The following AUTS2 variants were observed in gnomAD, a reference collection of about 807,000 sequenced individuals.
AUTS2 encodes the protein activator of transcription and developmental regulator AUTS2.
Under a neutral mutation model 112.4 loss-of-function variants are expected in AUTS2, and 17 were observed. The ratio of observed to expected loss-of-function variants is 0.15; its 90% CI spans 0.10 to 0.23. The LOEUF is 0.23. AUTS2 is among the 10% of genes least tolerant of loss of function. The pLI, the probability that AUTS2 is intolerant of heterozygous loss-of-function variation, is 1.00. For synonymous variants in AUTS2, 751 were observed against 702.7 expected, an observed-to-expected ratio of 1.07 and a Z score of -1.09; for missense variants, 1,510 against 1,701.6, an observed-to-expected ratio of 0.89 and a Z score of 1.98.
intron 1 of AUTS2, among the ~76,000 whole-genome samples, chr7:69,735,614 C>CT (rs1234334554): frequency 6.6e-6 from 1 of 152,180 alleles, no homozygotes; most frequent in Non-Finnish European, 1.5e-5. Context: ...GATTAAGCCC[C>CT]TTTTCTCCCC....
intron 2 of AUTS2, among the ~76,000 whole-genome samples, chr7:69,964,019 C>T (rs574118615): frequency 3.6e-4 from 55 of 152,274 alleles, no homozygotes; most frequent in Non-Finnish European, 6.0e-4. Context: ...TAGACTCATG[C>T]AAATATTAGA....
At chr7:70,445,798 A>C (rs2189771) in intron 5 of AUTS2, among the ~76,000 whole-genome samples, 4,234 of 152,312 alleles carry the variant, frequency 0.028, 130 homozygotes, top group Admixed American at 0.095. Flanking sequence ...CCCTGAAAGC[A>C]TCCCATGCCT....
At chr7:70,140,654 C>T (rs1806814243) in intron 4 of AUTS2, among the ~76,000 whole-genome samples, 1 of 152,288 alleles carries the variant, frequency 6.6e-6, no homozygotes, top group South Asian at 2.1e-4. Context: ...AGTATTTTAA[C>T]ACTTCCCCCC....
chr7:70,414,405 T>C (rs182303301), intron 4 of AUTS2, among the ~76,000 whole-genome samples: 109 of 152,320 alleles, frequency 7.2e-4, no homozygotes, highest in African/African-American at 2.5e-3. Context: ...GCAGTGGGAC[T>C]GGCAGAATTG....
intron 1 of AUTS2, among the ~76,000 whole-genome samples, chr7:69,618,033 G>C (rs766686987): frequency 6.6e-6 from 1 of 152,324 alleles, no homozygotes; most frequent in Non-Finnish European, 1.5e-5. Flanking sequence ...CAACAACTCT[G>C]TATAATAGGT....
chr7:70,653,506 C>T (rs1032149679), intron 5 of AUTS2, among the ~76,000 whole-genome samples: 4 of 152,202 alleles, frequency 2.6e-5, no homozygotes, highest in Non-Finnish European at 5.9e-5. Flanking sequence ...AGATCCAGTT[C>T]AAATGCTACT....
chr7:70,124,014 G>GT lies in AUTS2; in HGVS notation c.624+5787dup, dbSNP rs1382607109. ...CTCTGCCACCTTGCCAGCATCTGTT[G>GT]TTTTTTGACATTTTAATATTAATAA... is the stretch of plus-strand genomic sequence containing the variant. On this transcript the variant is annotated intron_variant, in intron 3 of 18. Transcript: ENST00000342771. Among the ~76,000 whole-genome samples the GT allele has an allele frequency of 2.6e-5, 4 of 152,112 alleles. No homozygotes were observed. In the South Asian group the frequency reaches 8.3e-4, roughly 32 times the overall value.
chr7:70,300,541 C>T (rs1789166411), intron 4 of AUTS2, among the ~76,000 whole-genome samples: 1 of 151,910 alleles, frequency 6.6e-6, no homozygotes, highest in Admixed American at 6.6e-5. Context: ...ATTTTTTTCC[C>T]CCAAAGAAAC....
chr7:69,915,796 G>T (rs965519652), intron 2 of AUTS2, among the ~76,000 whole-genome samples: 6 of 152,094 alleles, frequency 3.9e-5, no homozygotes, highest in Admixed American at 2.0e-4. Flanking sequence ...GTGTGATCTT[G>T]GCTCACTGTA....
chr7:69,856,233 G>C (rs1003056155), intron 1 of AUTS2, among the ~76,000 whole-genome samples: 5 of 152,088 alleles, frequency 3.3e-5, no homozygotes, highest in African/African-American at 1.2e-4. Context: ...GTTCCACCTA[G>C]CATAGGCCTG....
At chr7:69,656,200 C>G (rs946997688) in intron 1 of AUTS2, among the ~76,000 whole-genome samples, 2 of 152,120 alleles carry the variant, frequency 1.3e-5, no homozygotes, top group African/African-American at 2.4e-5. Flanking sequence ...GTGTGGTGAC[C>G]ACAACAGTGA....
At chr7:70,093,077 A>T (rs1487604356) in intron 2 of AUTS2, among the ~76,000 whole-genome samples, 1 of 152,216 alleles carries the variant, frequency 6.6e-6, no homozygotes, top group African/African-American at 2.4e-5. Context: ...CCCTGGAGAA[A>T]CAGGCATGTC....
intron 6 of AUTS2, among the ~76,000 whole-genome samples, chr7:70,713,622 T>C (rs145840261): frequency 0.035 from 5,299 of 152,180 alleles, 144 homozygotes; most frequent in African/African-American, 0.072. Context: ...CGGCCGGGCG[T>C]GGTGGCTCAC....
intron 5 of AUTS2, among the ~76,000 whole-genome samples, chr7:70,554,861 T>C (rs545453888): frequency 1.3e-5 from 2 of 152,178 alleles, no homozygotes; most frequent in Non-Finnish European, 2.9e-5. Flanking sequence ...AGCTGTCACA[T>C]TGGACGGTTG....
chr7:70,127,325 G>T (rs922354093), intron 3 of AUTS2, among the ~76,000 whole-genome samples: 2 of 151,866 alleles, frequency 1.3e-5, no homozygotes. Context: ...GTAGAAATGG[G>T]GTTTCGCCAT....
intron 1 of AUTS2, among the ~76,000 whole-genome samples, chr7:69,754,600 T>C (rs1415525511): frequency 6.6e-6 from 1 of 152,030 alleles, no homozygotes; most frequent in Non-Finnish European, 1.5e-5. Context: ...GTATTTCAGA[T>C]GGGGATTGTG....
intron 4 of AUTS2, among the ~76,000 whole-genome samples, chr7:70,168,111 A>G (rs1808476414): frequency 6.6e-6 from 1 of 152,226 alleles, no homozygotes; most frequent in African/African-American, 2.4e-5. Flanking sequence ...AAGCTTTCTG[A>G]TACATTATTA....
chr7:70,010,880 A>T (rs1799773287), intron 2 of AUTS2, among the ~76,000 whole-genome samples: 1 of 150,842 alleles, frequency 6.6e-6, no homozygotes, highest in Non-Finnish European at 1.5e-5. Context: ...GGATATTAGA[A>T]ATTGGAAGGA....
At chr7:70,055,725 G>A (rs987178822) in intron 2 of AUTS2, among the ~76,000 whole-genome samples, 3 of 151,992 alleles carry the variant, frequency 2.0e-5, no homozygotes, top group Admixed American at 2.0e-4. Flanking sequence ...TATTAAGGTG[G>A]GTATTGTTAG....
Sources: allele counts gnomAD v4.1 joint callset (sites outside exome capture counted in the v4.1 genomes callset), GRCh38; gene constraint gnomAD v4.1.1; transcripts MANE v1.5; gene names NCBI Gene and HGNC (gene_info 2026-07-23, HGNC 2026-07-21).